Variants in LRRC37A2 observed in about 807,000 individuals in gnomAD.
The protein encoded by LRRC37A2 is leucine-rich repeat-containing protein 37A2.
LRRC37A2 carries 9 observed loss-of-function variants against 68.8 expected under a neutral mutation model. The observed-to-expected ratio is 0.13, with a 90% CI of 0.08 to 0.23. The LOEUF is 0.23. Among genes scored for constraint, LRRC37A2 ranks in the 10% least tolerant of loss-of-function variants. The probability of loss-of-function intolerance (pLI) is 1.00; values close to 1 mark genes in which losing one functional copy is unlikely to be tolerated. For synonymous variants in LRRC37A2, 63 were observed against 367.6 expected, an observed-to-expected ratio of 0.17 and a Z score of 9.48; for missense variants, 168 against 950.4, an observed-to-expected ratio of 0.18 and a Z score of 10.82.
the LRRC37A2 span, chr17:46,763,279 C>T: frequency 6.6e-6 from 1 of 152,252 alleles, no homozygotes; most frequent in Non-Finnish European, 1.5e-5. Context: ...AATCCATGTG[C>T]CTCCCTTTTG....
chr17:46,979,482 A>G, the LRRC37A2 span, among the ~76,000 whole-genome samples: 1 of 152,200 alleles, frequency 6.6e-6, no homozygotes, highest in South Asian at 2.1e-4. Context: ...GTTCTTGGCT[A>G]GAAAACCTCT....
the LRRC37A2 span, among the ~76,000 whole-genome samples, chr17:46,943,625 C>G: frequency 6.6e-6 from 1 of 152,322 alleles, no homozygotes; most frequent in East Asian, 1.9e-4. Flanking sequence ...TAGGCGCAGG[C>G]GCCATCGGGT....
chr17:46,558,224 T>C (rs1180709066), downstream of LRRC37A2, among the ~76,000 whole-genome samples: 62 of 82,376 alleles, frequency 7.5e-4, no homozygotes, highest in Middle Eastern at 6.3e-3. Context: ...CATGCCCGGC[T>C]AATTTTTGTA....
chr17:46,861,451 A>C, the LRRC37A2 span, among the ~76,000 whole-genome samples: 1 of 151,516 alleles, frequency 6.6e-6, no homozygotes, highest in South Asian at 2.1e-4. Context: ...TCACTCCTTC[A>C]TCTTCTGCCT....
At chr17:46,877,019 G>A in the LRRC37A2 span, 1 of 1,206,144 alleles carries the variant, frequency 8.3e-7, no homozygotes, top group Non-Finnish European at 1.0e-6. Flanking sequence ...CAAGAGCACA[G>A]CAGGACTGAA....
At chr17:47,007,420 C>T in the LRRC37A2 span, among the ~76,000 whole-genome samples, 1 of 152,198 alleles carries the variant, frequency 6.6e-6, no homozygotes, top group East Asian at 1.9e-4. Flanking sequence ...TCAGGTGATC[C>T]ACCTGCCTCT....
chr17:46,940,476 C>T, the LRRC37A2 span: 1 of 1,612,434 alleles, frequency 6.2e-7, no homozygotes, highest in Non-Finnish European at 8.5e-7. Context: ...GCTGCGGTGC[C>T]AGGGACCTAG....
At chr17:46,975,965 C>T in the LRRC37A2 span, among the ~76,000 whole-genome samples, 2 of 152,050 alleles carry the variant, frequency 1.3e-5, no homozygotes, top group Non-Finnish European at 2.9e-5. Flanking sequence ...CTAGCACTGT[C>T]GCCCAGGCTG....
chr17:46,867,446 A>G, the LRRC37A2 span, among the ~76,000 whole-genome samples: 1 of 152,196 alleles, frequency 6.6e-6, no homozygotes, highest in African/African-American at 2.4e-5. Context: ...TGAGGGGACA[A>G]CCCTGAGGTC....
the LRRC37A2 span, among the ~76,000 whole-genome samples, chr17:46,943,615 T>TAGGCGC: frequency 6.6e-6 from 1 of 152,144 alleles, no homozygotes; most frequent in African/African-American, 2.4e-5. Context: ...GGGCACGTAG[T>TAGGCGC]AGGCGCAGGC....
chr17:46,929,859 T>C, the LRRC37A2 span: 1 of 414,594 alleles, frequency 2.4e-6, no homozygotes. Context: ...CTTAATCTAA[T>C]TACCTAGTCC....
the LRRC37A2 span, chr17:47,018,660 A>G: frequency 6.6e-7 from 1 of 1,520,300 alleles, no homozygotes; most frequent in Non-Finnish European, 9.1e-7. Context: ...TAATAATGAG[A>G]ACCCCTCTCC....
At chr17:46,923,593 C>A in the LRRC37A2 span, 3 of 1,292,562 alleles carry the variant, frequency 2.3e-6, no homozygotes, top group East Asian at 8.8e-5. Context: ...GAGACACGGC[C>A]CCTGGCCGTA....
chr17:46,922,101 A>G, the LRRC37A2 span, among the ~76,000 whole-genome samples: 1 of 152,246 alleles, frequency 6.6e-6, no homozygotes, highest in Non-Finnish European at 1.5e-5. Flanking sequence ...CAACAATGAC[A>G]GACTGGATTA....
chr17:46,752,367 T>A, the LRRC37A2 span, among the ~76,000 whole-genome samples: 1 of 152,202 alleles, frequency 6.6e-6, no homozygotes. Context: ...TATCAAGCCC[T>A]ATGAGTTCAG....
At chr17:46,905,370 C>T in the LRRC37A2 span, among the ~76,000 whole-genome samples, 183 of 152,308 alleles carry the variant, frequency 1.2e-3, 1 homozygote, top group Middle Eastern at 6.8e-3. Flanking sequence ...GCCACCGTAT[C>T]CAGCTGGGAT....
chr17:46,794,746 CTTTT>C, the LRRC37A2 span, among the ~76,000 whole-genome samples: 3 of 133,494 alleles, frequency 2.2e-5, no homozygotes, highest in African/African-American at 8.7e-5. Flanking sequence ...TTCTTTCTTT[CTTTT>C]TCTTTTTTTT....
the LRRC37A2 span, among the ~76,000 whole-genome samples, chr17:46,761,639 C>CTCATTATTTCTCTTCGTAG: frequency 2.6e-5 from 4 of 152,106 alleles, no homozygotes; most frequent in African/African-American, 4.8e-5. Context: ...CCAGCCTGTT[C>CTCATTATTTCTCTTCGTAG]TCATTATTTC....
At chr17:46,995,623 G>A in the LRRC37A2 span, among the ~76,000 whole-genome samples, 1 of 152,172 alleles carries the variant, frequency 6.6e-6, no homozygotes, top group Non-Finnish European at 1.5e-5. Context: ...CCATGGGGTA[G>A]AAGTCATGTT....
Sources: gnomAD v4.1 joint callset for allele counts (sites outside exome capture counted in the v4.1 genomes callset) on GRCh38, gnomAD v4.1.1 for gene constraint, MANE v1.5 for transcripts, NCBI Gene and HGNC (gene_info 2026-07-23, HGNC 2026-07-21) for gene names.